KLHL1: variants seen among roughly 807,000 people sequenced by gnomAD.
The protein encoded by KLHL1 is kelch-like protein 1.
In KLHL1, 47 loss-of-function variants were observed where a neutral mutation model predicts 77.7. The ratio of observed to expected loss-of-function variants is 0.60; its 90% CI spans 0.48 to 0.77. The LOEUF is 0.77. Among genes scored for constraint, KLHL1 ranks in the 30% least tolerant of loss-of-function variants. KLHL1 has a pLI of 0.00. For synonymous variants in KLHL1, 360 were observed against 325.2 expected, an observed-to-expected ratio of 1.11 and a Z score of -1.15; for missense variants, 925 against 910.8, an observed-to-expected ratio of 1.02 and a Z score of -0.20.
At chr13:70,066,301 T>C (rs913206341) in intron 1 of KLHL1, among the ~76,000 whole-genome samples, 6 of 152,090 alleles carry the variant, frequency 3.9e-5, no homozygotes, top group Non-Finnish European at 7.4e-5. Context: ...ATGAGAGATT[T>C]ACTTTTTTAA....
At chr13:69,816,751 C>T (rs184738359) in intron 6 of KLHL1, among the ~76,000 whole-genome samples, 41 of 152,158 alleles carry the variant, frequency 2.7e-4, no homozygotes, top group Non-Finnish European at 5.0e-4. Flanking sequence ...TATTAGTTAG[C>T]TACCTTTTTA....
chr13:69,920,782 G>T (rs1273893736), intron 4 of KLHL1, among the ~76,000 whole-genome samples: 1 of 152,060 alleles, frequency 6.6e-6, no homozygotes, highest in East Asian at 1.9e-4. Flanking sequence ...ATAAGAGAAG[G>T]TCAGCAAAAA....
At chr13:69,780,141 G>A (rs1448870463) in intron 7 of KLHL1, among the ~76,000 whole-genome samples, 1 of 152,088 alleles carries the variant, frequency 6.6e-6, no homozygotes, top group Non-Finnish European at 1.5e-5. Context: ...ATATCCATAA[G>A]TATAGAAAAC....
intron 6 of KLHL1, among the ~76,000 whole-genome samples, chr13:69,801,117 T>C (rs1470420757): frequency 6.6e-6 from 1 of 152,138 alleles, no homozygotes; most frequent in Non-Finnish European, 1.5e-5. Context: ...AAATTGCACA[T>C]ATATACCCCA....
chr13:70,068,545 A>G (rs1235444805), intron 1 of KLHL1, among the ~76,000 whole-genome samples: 1 of 152,192 alleles, frequency 6.6e-6, no homozygotes, highest in Non-Finnish European at 1.5e-5. Context: ...CTCAGCTACA[A>G]TGAACTTCCA....
intron 4 of KLHL1, among the ~76,000 whole-genome samples, chr13:69,911,436 T>C (rs1261095682): frequency 6.6e-6 from 1 of 152,062 alleles, no homozygotes; most frequent in Non-Finnish European, 1.5e-5. Context: ...ATGAAATATA[T>C]TGCTGAGTAG....
At chr13:69,736,560 A>G (rs1873770364) in intron 8 of KLHL1, among the ~76,000 whole-genome samples, 1 of 152,126 alleles carries the variant, frequency 6.6e-6, no homozygotes, top group African/African-American at 2.4e-5. Flanking sequence ...AGAGGAAAGA[A>G]GTCATTGTAC....
chr13:69,712,770 TTTG>T (rs1566353754), intron 9 of KLHL1, among the ~76,000 whole-genome samples: 4 of 136,894 alleles, frequency 2.9e-5, no homozygotes, highest in Admixed American at 7.1e-5. Flanking sequence ...GTTTTTTTTT[TTTG>T]GGGGGGGGGT....
At chr13:70,092,431 T>C (rs146695637) in intron 1 of KLHL1, among the ~76,000 whole-genome samples, 2 of 152,276 alleles carry the variant, frequency 1.3e-5, no homozygotes, top group East Asian at 3.9e-4. Flanking sequence ...CTCTTTAAAA[T>C]AATATATTAA....
chr13:70,048,587 G>C (rs998738223), intron 1 of KLHL1, among the ~76,000 whole-genome samples: 10 of 152,192 alleles, frequency 6.6e-5, no homozygotes, highest in Non-Finnish European at 1.5e-4. Context: ...GGCTAGGGTA[G>C]AGAAGCGGGG....
At chr13:69,716,039 C>T (rs972441654) in intron 9 of KLHL1, among the ~76,000 whole-genome samples, 1 of 152,014 alleles carries the variant, frequency 6.6e-6, no homozygotes, top group African/African-American at 2.4e-5. Flanking sequence ...ATTTGCAATA[C>T]CAAACAAATT....
intron 5 of KLHL1, among the ~76,000 whole-genome samples, chr13:69,874,903 G>A (rs1880710682): frequency 6.6e-6 from 1 of 152,096 alleles, no homozygotes; most frequent in African/African-American, 2.4e-5. Context: ...CATAAATCTT[G>A]TCAAGTAGTT....
intron 1 of KLHL1, among the ~76,000 whole-genome samples, chr13:70,085,195 G>A (rs1461124595): frequency 6.6e-6 from 1 of 152,112 alleles, no homozygotes; most frequent in Non-Finnish European, 1.5e-5. Flanking sequence ...AGACAGAAAA[G>A]CTAAACAAAG....
intron 1 of KLHL1, among the ~76,000 whole-genome samples, chr13:70,070,904 T>G (rs1887122506): frequency 6.6e-6 from 1 of 151,894 alleles, no homozygotes; most frequent in East Asian, 1.9e-4. Context: ...ACCATTTTTT[T>G]TAAAGAACTA....
chr13:69,808,445 A>T (rs1464297888), intron 6 of KLHL1, among the ~76,000 whole-genome samples: 1 of 152,150 alleles, frequency 6.6e-6, no homozygotes, highest in African/African-American at 2.4e-5. Context: ...TCTGCAACTA[A>T]GGAACCCCTA....
chr13:69,873,998 G>T (rs1252559437), intron 5 of KLHL1, among the ~76,000 whole-genome samples: 1 of 152,138 alleles, frequency 6.6e-6, no homozygotes, highest in Non-Finnish European at 1.5e-5. Flanking sequence ...TTAATAAAAA[G>T]ACTTAGTCAT....
chr13:69,974,589 T>G (rs912696956), intron 2 of KLHL1, among the ~76,000 whole-genome samples: 1 of 151,934 alleles, frequency 6.6e-6, no homozygotes, highest in Non-Finnish European at 1.5e-5. Context: ...TTTTAAAAAA[T>G]TAATGAGCAT....
At chr13:70,094,511 C>T (rs1000734415) in intron 1 of KLHL1, among the ~76,000 whole-genome samples, 2 of 151,426 alleles carry the variant, frequency 1.3e-5, no homozygotes, top group Non-Finnish European at 2.9e-5. Flanking sequence ...TGTAGTCTCA[C>T]GTAGACTAAA....
chr13:69,966,621 T>G (rs960100397), intron 2 of KLHL1, among the ~76,000 whole-genome samples: 3 of 152,212 alleles, frequency 2.0e-5, no homozygotes, highest in Non-Finnish European at 4.4e-5. Flanking sequence ...TTCCTTTTTA[T>G]TTGTACAGAT....
Sources: allele counts gnomAD v4.1 joint callset (sites outside exome capture counted in the v4.1 genomes callset), GRCh38; gene constraint gnomAD v4.1.1; transcripts MANE v1.5; gene names NCBI Gene and HGNC (gene_info 2026-07-23, HGNC 2026-07-21).